BBS9: variants seen among roughly 807,000 people sequenced by gnomAD.
BBS9 encodes Bardet-Biedl syndrome 9.
In BBS9, 89 loss-of-function variants were observed where a neutral mutation model predicts 117.7. The observed-to-expected ratio is 0.76, with a 90% CI of 0.64 to 0.90. The LOEUF (loss-of-function observed/expected upper bound fraction) is 0.90, where lower values mean the gene tolerates loss of function less well. BBS9 is among the 40% of genes least tolerant of loss of function. The probability of loss-of-function intolerance (pLI) is 0.00; values close to 1 mark genes in which losing one functional copy is unlikely to be tolerated. For synonymous variants in BBS9, 379 were observed against 370.9 expected, an observed-to-expected ratio of 1.02 and a Z score of -0.25; for missense variants, 982 against 1,042.2, an observed-to-expected ratio of 0.94 and a Z score of 0.80.
At chr7:33,527,758 A>G (rs992486279) in intron 20 of BBS9, among the ~76,000 whole-genome samples, 17 of 152,264 alleles carry the variant, frequency 1.1e-4, no homozygotes, top group Admixed American at 3.3e-4. Context: ...CTATTTGGCC[A>G]TCTTGGCTCC....
chr7:33,338,986 A>G (rs1815960796), intron 10 of BBS9, among the ~76,000 whole-genome samples: 1 of 152,214 alleles, frequency 6.6e-6, no homozygotes, highest in Non-Finnish European at 1.5e-5. Flanking sequence ...AATGTCCAGG[A>G]TAACTAAGCT....
intron 21 of BBS9, among the ~76,000 whole-genome samples, chr7:33,598,764 G>A (rs1417025975): frequency 2.0e-5 from 3 of 152,136 alleles, no homozygotes. Flanking sequence ...TAACACCATA[G>A]GATATTCTGG....
At position 33,282,649 on chromosome 7, in the gene BBS9, G is replaced by A. The variant is rs762383555; in HGVS notation, c.1016+8693G>A. Among the ~76,000 whole-genome samples, 220 of 152,274 alleles carry A rather than the reference G, an allele frequency of 1.4e-3. 1 individual carries two copies. Among genetic ancestry groups the A allele is most frequent in the Non-Finnish European group, 2.4e-3 (161 of 68,026 alleles). On this transcript the variant is annotated intron_variant, in intron 9 of 22. Coordinates refer to ENST00000242067, the MANE Select transcript of BBS9 (RefSeq NM_198428.3). ...GCCTCCCAAAGTGCTGGGATTATAG[G>A]CGTGAGCCACCGTGTGTGGCCATGA...
At chr7:33,565,844 T>TATATATATATATATATATATA (rs5883407) in intron 21 of BBS9, among the ~76,000 whole-genome samples, 18 of 80,034 alleles carry the variant, frequency 2.2e-4, no homozygotes, top group Non-Finnish European at 2.8e-4. Flanking sequence ...TATATACTGC[T>TATATATATATATATATATATA]TATATATATA....
chr7:33,413,001 T>C (rs1831404023), intron 19 of BBS9, among the ~76,000 whole-genome samples: 1 of 152,198 alleles, frequency 6.6e-6, no homozygotes, highest in Admixed American at 6.5e-5. Flanking sequence ...GTAGGGAATG[T>C]TATGGAACAA....
chr7:33,424,708 A>T (rs970038741), intron 19 of BBS9, among the ~76,000 whole-genome samples: 1 of 152,130 alleles, frequency 6.6e-6, no homozygotes, highest in African/African-American at 2.4e-5. Flanking sequence ...AGTGTAATGA[A>T]ATTTCTTATT....
At chr7:33,152,886 G>C in intron 3 of BBS9, 35 bp downstream of exon 3, 1 of 1,606,420 alleles carries the variant, frequency 6.2e-7, no homozygotes, top group Non-Finnish European at 8.5e-7. Flanking sequence ...ATTTTACTTG[G>C]AGTATGTCAA....
rs201090716 is a variant in BBS9, at chr7:33,495,708, AG to A, written c.2116-9750del. Reference sequence around the variant, plus strand: ...GAAAGGGGTAAAAATTTGGTCAGCCAGGGGGAAAAAAAGGTAAAAATAGTAA... The same window carrying A: ...GAAAGGGGTAAAAATTTGGTCAGCCAGGGGAAAAAAAGGTAAAAATAGTAA... On this transcript the variant is annotated intron_variant, in intron 19 of 22. Coordinates refer to ENST00000242067, the MANE Select transcript of BBS9 (RefSeq NM_198428.3). Among the ~76,000 whole-genome samples the A allele has an allele frequency of 9.2e-3, 1,401 of 152,242 alleles. 21 individuals are homozygous for A. Among genetic ancestry groups the A allele is most frequent in the African/African-American group, 0.031 (1,284 of 41,544 alleles).
At chr7:33,154,425 A>T (rs1793799901) in intron 3 of BBS9, among the ~76,000 whole-genome samples, 1 of 152,116 alleles carries the variant, frequency 6.6e-6, no homozygotes, top group South Asian at 2.1e-4. Flanking sequence ...CAGGCGTTGT[A>T]CACTGGAGGC....
At chr7:33,535,886 C>G (rs1186061550) in intron 21 of BBS9, among the ~76,000 whole-genome samples, 1 of 152,038 alleles carries the variant, frequency 6.6e-6, no homozygotes, top group African/African-American at 2.4e-5. Flanking sequence ...CTGCAGCAGC[C>G]CCAAATTCTC....
chr7:33,382,062 T>G (rs1157446015), intron 17 of BBS9, among the ~76,000 whole-genome samples: 2 of 152,188 alleles, frequency 1.3e-5, no homozygotes, highest in Non-Finnish European at 2.9e-5. Context: ...AAGACTGAGT[T>G]CATCTTTGTA....
chr7:33,408,169 C>T (rs973675880), intron 19 of BBS9, among the ~76,000 whole-genome samples: 1 of 152,208 alleles, frequency 6.6e-6, no homozygotes, highest in South Asian at 2.1e-4. Flanking sequence ...GCCTCGCTGC[C>T]ACCTTGCAGT....
chr7:33,322,690 T>C (rs1445181520), intron 9 of BBS9, among the ~76,000 whole-genome samples: 1 of 152,060 alleles, frequency 6.6e-6, no homozygotes, highest in East Asian at 1.9e-4. Flanking sequence ...AAATAACCTT[T>C]TCTTTCATTG....
intron 19 of BBS9, among the ~76,000 whole-genome samples, chr7:33,406,183 T>G (rs1371572571): frequency 6.6e-6 from 1 of 152,206 alleles, no homozygotes; most frequent in Non-Finnish European, 1.5e-5. Context: ...GAGTTCTAGT[T>G]TGATTGCACT....
intron 4 of BBS9, among the ~76,000 whole-genome samples, chr7:33,168,880 T>C (rs1185175681): frequency 5.3e-5 from 8 of 152,174 alleles, no homozygotes; most frequent in Non-Finnish European, 1.0e-4. Context: ...TACATATGTA[T>C]ACATGTGCCA....
intron 4 of BBS9, among the ~76,000 whole-genome samples, chr7:33,160,969 A>G (rs1764816104): frequency 6.6e-6 from 1 of 152,152 alleles, no homozygotes; most frequent in Admixed American, 6.6e-5. Context: ...GAAAATGACA[A>G]TTGAATGAAA....
chr7:33,541,407 G>A (rs1251127268), intron 21 of BBS9, among the ~76,000 whole-genome samples: 1 of 151,930 alleles, frequency 6.6e-6, no homozygotes, highest in Non-Finnish European at 1.5e-5. Context: ...ATCAATCAAT[G>A]ATAACACTCT....
intron 9 of BBS9, among the ~76,000 whole-genome samples, chr7:33,321,654 T>C (rs2128582627): frequency 6.6e-6 from 1 of 152,238 alleles, no homozygotes; most frequent in Non-Finnish European, 1.5e-5. Context: ...TAGTATCATA[T>C]TGTCTGCAAA....
chr7:33,253,667 G>T (rs1253494314), intron 5 of BBS9, among the ~76,000 whole-genome samples: 1 of 152,166 alleles, frequency 6.6e-6, no homozygotes, highest in Non-Finnish European at 1.5e-5. Flanking sequence ...GGAGATAAAG[G>T]AGTCTAGGGC....
Sources: allele counts gnomAD v4.1 joint callset (sites outside exome capture counted in the v4.1 genomes callset), GRCh38; gene constraint gnomAD v4.1.1; transcripts MANE v1.5; gene names NCBI Gene and HGNC (gene_info 2026-07-23, HGNC 2026-07-21).